Variants in JAKMIP2 observed in about 807,000 individuals in gnomAD.
The protein encoded by JAKMIP2 is janus kinase and microtubule interacting protein 2.
A neutral mutation model predicts 115.0 loss-of-function variants in JAKMIP2; 25 were observed. The observed-to-expected ratio is 0.22, with a 90% confidence interval of 0.16 to 0.30. The LOEUF is 0.30. Among genes scored for constraint, JAKMIP2 ranks in the 10% least tolerant of loss-of-function variants. JAKMIP2 has a pLI of 1.00. For missense variants in JAKMIP2, 642 were observed against 957.6 expected (o/e 0.67, Z 4.35); for synonymous variants, 334 against 343.6 (o/e 0.97, Z 0.31).
At chr5:147,662,511 T>G (rs1024057618) in intron 2 of JAKMIP2, among the ~76,000 whole-genome samples, 1 of 152,178 alleles carries the variant, frequency 6.6e-6, no homozygotes, top group Non-Finnish European at 1.5e-5. Flanking sequence ...AGTCTCTGAT[T>G]CAGTAGATCA....
chr5:147,745,207 A>G (rs1189064586), intron 1 of JAKMIP2, among the ~76,000 whole-genome samples: 11 of 152,208 alleles, frequency 7.2e-5, no homozygotes, highest in Non-Finnish European at 2.9e-5. Context: ...CTACACTAAG[A>G]AACACTTTAC....
intron 2 of JAKMIP2, among the ~76,000 whole-genome samples, chr5:147,668,190 G>C (rs1316818681): frequency 6.6e-6 from 1 of 152,120 alleles, no homozygotes; most frequent in Non-Finnish European, 1.5e-5. Flanking sequence ...CAGGCCTGTT[G>C]CCCTTCTGCC....
At chr5:147,659,128 TCAAA>T (rs1758831885) in intron 3 of JAKMIP2, among the ~76,000 whole-genome samples, 1 of 151,106 alleles carries the variant, frequency 6.6e-6, no homozygotes, top group Non-Finnish European at 1.5e-5. Context: ...CAGTGCCTGC[TCAAA>T]CAGCTGCCCA....
intron 1 of JAKMIP2, among the ~76,000 whole-genome samples, chr5:147,682,134 G>T (rs1023602875): frequency 2.0e-5 from 3 of 152,078 alleles, no homozygotes; most frequent in Admixed American, 6.6e-5. Flanking sequence ...GGTTATGGTG[G>T]GAAAGAAGAA....
chr5:147,676,038 A>C (rs1018566267), intron 1 of JAKMIP2, among the ~76,000 whole-genome samples: 1 of 152,040 alleles, frequency 6.6e-6, no homozygotes. Flanking sequence ...TGAGTGCAAA[A>C]AAGAGAGTGC....
At chr5:147,653,025 A>G (rs1758484892) in intron 3 of JAKMIP2, among the ~76,000 whole-genome samples, 1 of 152,160 alleles carries the variant, frequency 6.6e-6, no homozygotes, top group African/African-American at 2.4e-5. Context: ...TGTCCCTACA[A>G]AGGACATGAA....
At chr5:147,756,689 G>A (rs1216492692) in intron 1 of JAKMIP2, among the ~76,000 whole-genome samples, 1 of 152,102 alleles carries the variant, frequency 6.6e-6, no homozygotes, top group Non-Finnish European at 1.5e-5. Context: ...AAGTCACCAA[G>A]AAGGTGCAGG....
rs919408686 is a variant in JAKMIP2 at position 147,720,046 on chromosome 5, G to A, written c.-148-48092C>T. Among the ~76,000 whole-genome samples the A allele has an allele frequency of 6.3e-4, 96 of 152,072 alleles. No homozygotes were observed. The South Asian group carries it at 0.018, about 28-fold the overall frequency. On this transcript the variant is annotated intron_variant, in intron 1 of 21. Transcript: ENST00000616793. ...GGAGCTCTTTTAGGGCAGGCCTGGTGGTGACAAACTCTCTCAGCATTTGCT... is the reference window on the plus strand; with the variant it reads ...GGAGCTCTTTTAGGGCAGGCCTGGTAGTGACAAACTCTCTCAGCATTTGCT...
At chr5:147,735,468 AAG>A (rs1196014585) in intron 1 of JAKMIP2, among the ~76,000 whole-genome samples, 4 of 152,190 alleles carry the variant, frequency 2.6e-5, no homozygotes, top group Admixed American at 2.0e-4. Context: ...AGTGGCAGGC[AAG>A]AGAGCTTGTG....
chr5:147,682,220 T>C (rs17107147), intron 1 of JAKMIP2, among the ~76,000 whole-genome samples: 1 of 152,068 alleles, frequency 6.6e-6, no homozygotes, highest in African/African-American at 2.4e-5. Flanking sequence ...TGGAGAGACA[T>C]ACTGGCAAAA....
At chr5:147,780,187 AG>A (rs1755707153) in intron 1 of JAKMIP2, among the ~76,000 whole-genome samples, 1 of 152,178 alleles carries the variant, frequency 6.6e-6, no homozygotes, top group South Asian at 2.1e-4. Context: ...CCCTTAGCAA[AG>A]GCCATATAAT....
chr5:147,673,362 G>T (rs1170236877), intron 1 of JAKMIP2, among the ~76,000 whole-genome samples: 2 of 152,154 alleles, frequency 1.3e-5, no homozygotes, highest in Non-Finnish European at 2.9e-5. Flanking sequence ...TCAGTCCAGA[G>T]CTAAGGGGAA....
intron 2 of JAKMIP2, among the ~76,000 whole-genome samples, chr5:147,662,873 T>C (rs1278711231): frequency 5.9e-5 from 9 of 152,012 alleles, no homozygotes; most frequent in Admixed American, 3.3e-4. Context: ...TAGTCCCAGA[T>C]ACTTGGGAAG....
At chr5:147,715,845 CT>C (rs11312315) in intron 1 of JAKMIP2, among the ~76,000 whole-genome samples, 42,619 of 138,180 alleles carry the variant, frequency 0.31, 7,125 homozygotes, top group East Asian at 0.54. Flanking sequence ...AATTTACTTT[CT>C]TTTTTTTTTA....
chr5:147,699,794 C>T (rs1752252230), intron 1 of JAKMIP2, among the ~76,000 whole-genome samples: 1 of 152,176 alleles, frequency 6.6e-6, no homozygotes, highest in Non-Finnish European at 1.5e-5. Flanking sequence ...AAGAGTAGGA[C>T]TTTCTTTGTA....
rs988270973 is a variant in JAKMIP2 at position 147,586,467 on chromosome 5, C to T, written c.*5240G>A. ...TTTAGTTGGAAAATTGCATCATCCA[C>T]TCTTTAGTAAGTTCGTGGGATCTTG... On this transcript the variant is annotated 3_prime_UTR_variant, in exon 22 of 22. Coordinates refer to ENST00000616793, the MANE Select transcript of JAKMIP2 (RefSeq NM_001270941.2). The T allele has an allele frequency of 6.6e-6, 1 of 152,054 alleles. No individual in the cohort carries two copies. The highest frequency in any genetic ancestry group is 2.4e-5 in the African/African-American group (1 of 41,386). 9.4% of individuals were successfully genotyped at this position (152,054 alleles called of 1,614,324 possible).
chr5:147,695,650 C>CTGTGTGTGTGTGTGTGTGTG (rs572202242), intron 1 of JAKMIP2, among the ~76,000 whole-genome samples: 5 of 142,908 alleles, frequency 3.5e-5, no homozygotes, highest in African/African-American at 1.3e-4. Context: ...AGTGAAAGGT[C>CTGTGTGTGTGTGTGTGTGTG]TGTGTGTGTG....
At chr5:147,597,636 G>C (rs553903304) in intron 21 of JAKMIP2, among the ~76,000 whole-genome samples, 1 of 152,136 alleles carries the variant, frequency 6.6e-6, no homozygotes, top group Non-Finnish European at 1.5e-5. Context: ...ATTTTCAATG[G>C]GTCATTGCAA....
chr5:147,741,377 G>A (rs952220063), intron 1 of JAKMIP2, among the ~76,000 whole-genome samples: 14 of 151,992 alleles, frequency 9.2e-5, no homozygotes, highest in Admixed American at 3.9e-4. Context: ...GAGTACAATC[G>A]TGTGGTATTT....
Sources: gnomAD v4.1 joint callset for allele counts (sites outside exome capture counted in the v4.1 genomes callset) on GRCh38, gnomAD v4.1.1 for gene constraint, MANE v1.5 for transcripts, NCBI Gene and HGNC (gene_info 2026-07-23, HGNC 2026-07-21) for gene names.